CYP7B1: variants seen among roughly 807,000 people sequenced by gnomAD.
CYP7B1 encodes the protein cytochrome P450 family 7 subfamily B member 1, also known as cytochrome P450 7B1.
CYP7B1 carries 29 observed loss-of-function variants against 42.7 expected under a neutral mutation model. That is an observed-to-expected ratio of 0.68 (90% CI 0.51 to 0.93). CYP7B1 has a LOEUF of 0.93. CYP7B1 is among the 40% of genes least tolerant of loss of function. The probability of loss-of-function intolerance (pLI) is 0.00; values close to 1 mark genes in which losing one functional copy is unlikely to be tolerated. For missense variants in CYP7B1, 655 were observed against 600.5 expected, an observed-to-expected ratio of 1.09 and a Z score of -0.95; for synonymous variants, 235 against 218.2, an observed-to-expected ratio of 1.08 and a Z score of -0.68.
At chr8:64,661,410 C>T (rs568369482) in intron 1 of CYP7B1, among the ~76,000 whole-genome samples, 5 of 152,234 alleles carry the variant, frequency 3.3e-5, no homozygotes, top group South Asian at 2.1e-4. Flanking sequence ...AACTTTGGTG[C>T]GATTTACTGT....
intron 1 of CYP7B1, 35 bp downstream of exon 1, chr8:64,798,431 G>C (rs1196396549): frequency 6.7e-7 from 1 of 1,496,522 alleles, no homozygotes; most frequent in Non-Finnish European, 8.8e-7. Context: ...GCGGGGCCCA[G>C]GGCGCATGCG....
At chr8:64,750,475 G>T (rs1484763868) in intron 1 of CYP7B1, among the ~76,000 whole-genome samples, 1 of 152,192 alleles carries the variant, frequency 6.6e-6, no homozygotes, top group African/African-American at 2.4e-5. Flanking sequence ...GAAAAATTAA[G>T]TTGCAAAGAA....
intron 1 of CYP7B1, among the ~76,000 whole-genome samples, chr8:64,780,138 A>G (rs2129673249): frequency 6.6e-6 from 1 of 152,242 alleles, no homozygotes; most frequent in Middle Eastern, 3.4e-3. Flanking sequence ...TTTTTAATGG[A>G]ACTGCAGAAA....
rs2129629704 is a variant in CYP7B1, at chr8:64,595,375, A to G, written c.*1267T>C. Among the ~76,000 whole-genome samples, 1 of 152,372 alleles carries G rather than the reference A, an allele frequency of 6.6e-6. No individual in the cohort carries two copies. On this transcript the variant is annotated 3_prime_UTR_variant, in exon 6 of 6. Coordinates refer to ENST00000310193, the MANE Select transcript of CYP7B1 (RefSeq NM_004820.5). Reference sequence around the variant, plus strand: ...CTCAAAACAGTAGCAGATTTCTGAAATATTAGAAGTTCCAATTAACGAAGC... The same window carrying G: ...CTCAAAACAGTAGCAGATTTCTGAAGTATTAGAAGTTCCAATTAACGAAGC...
chr8:64,771,623 G>A (rs1804232999), intron 1 of CYP7B1, among the ~76,000 whole-genome samples: 1 of 152,128 alleles, frequency 6.6e-6, no homozygotes, highest in South Asian at 2.1e-4. Context: ...ATGCCCTCAG[G>A]GGTCTTTTGA....
chr8:64,625,969 G>A (rs2129630472), intron 1 of CYP7B1, among the ~76,000 whole-genome samples: 1 of 152,162 alleles, frequency 6.6e-6, no homozygotes, highest in African/African-American at 2.4e-5. Context: ...ACTTAACATA[G>A]TAAATGGAGA....
At position 64,592,231 on chromosome 8, in the gene CYP7B1, T is replaced by C. The variant is rs1805047776; in HGVS notation, c.*4411A>G. Among the ~76,000 whole-genome samples the C allele has an allele frequency of 6.6e-6, 1 of 152,080 alleles. No homozygotes were observed. The highest frequency in any genetic ancestry group is 1.5e-5 in the Non-Finnish European group (1 of 68,020). Reference sequence around the variant, plus strand: ...ATTTTACAATATATAATACAGTTTTTAAAAATTCTAAGCCTCAATGACTAT... The same window carrying C: ...ATTTTACAATATATAATACAGTTTTCAAAAATTCTAAGCCTCAATGACTAT... On this transcript the variant is annotated 3_prime_UTR_variant, in exon 6 of 6. Coordinates refer to ENST00000310193, the MANE Select transcript of CYP7B1 (RefSeq NM_004820.5).
At chr8:64,747,677 T>C (rs1183973761) in intron 1 of CYP7B1, among the ~76,000 whole-genome samples, 1 of 151,786 alleles carries the variant, frequency 6.6e-6, no homozygotes, top group African/African-American at 2.4e-5. Context: ...GGGCAAACTA[T>C]ATATGTTATT....
chr8:64,624,107 G>GTT (rs1449676321), intron 2 of CYP7B1, among the ~76,000 whole-genome samples: 1 of 151,878 alleles, frequency 6.6e-6, no homozygotes, highest in East Asian at 1.9e-4. Context: ...CTTTTGTATA[G>GTT]TTATATATAT....
At chr8:64,648,920 A>G (rs767926078) in intron 1 of CYP7B1, among the ~76,000 whole-genome samples, 1 of 152,240 alleles carries the variant, frequency 6.6e-6, no homozygotes, top group Non-Finnish European at 1.5e-5. Flanking sequence ...ACCTTGTCAT[A>G]GCCTATAAGA....
chr8:64,759,732 T>C (rs2129633681), intron 1 of CYP7B1, among the ~76,000 whole-genome samples: 1 of 152,290 alleles, frequency 6.6e-6, no homozygotes, highest in African/African-American at 2.4e-5. Context: ...GGTTAAGCTA[T>C]TTACATGAAG....
chr8:64,766,799 G>T (rs1221530366), intron 1 of CYP7B1, among the ~76,000 whole-genome samples: 2 of 152,170 alleles, frequency 1.3e-5, no homozygotes, highest in East Asian at 3.9e-4. Context: ...GACTGAGGGT[G>T]CCCAGGGCAA....
chr8:64,775,644 G>C (rs1804312336), intron 1 of CYP7B1, among the ~76,000 whole-genome samples: 1 of 152,062 alleles, frequency 6.6e-6, no homozygotes, highest in Non-Finnish European at 1.5e-5. Context: ...TATATTAACT[G>C]ATAATTATAA....
intron 4 of CYP7B1, among the ~76,000 whole-genome samples, chr8:64,608,798 A>G (rs1039922722): frequency 9.2e-5 from 14 of 152,234 alleles, no homozygotes; most frequent in Admixed American, 7.8e-4. Context: ...TGATAATCAT[A>G]TAATTTGAGG....
chr8:64,600,066 A>G (rs1805179144), intron 5 of CYP7B1, among the ~76,000 whole-genome samples: 1 of 152,246 alleles, frequency 6.6e-6, no homozygotes, highest in South Asian at 2.1e-4. Flanking sequence ...AAAAAAGTAT[A>G]TTTTAAAAAC....
At chr8:64,777,135 T>C (rs1194604438) in intron 1 of CYP7B1, among the ~76,000 whole-genome samples, 1 of 139,598 alleles carries the variant, frequency 7.2e-6, no homozygotes, top group Non-Finnish European at 1.5e-5. Context: ...CTATTATAGA[T>C]CCATCATGTA....
At chr8:64,586,738 A>G (rs1014575923), downstream of CYP7B1, among the ~76,000 whole-genome samples, 1 of 152,228 alleles carries the variant, frequency 6.6e-6, no homozygotes, top group African/African-American at 2.4e-5. Flanking sequence ...TGCAGGTAAG[A>G]CTAAATTATC....
chr8:64,674,961 C>T (rs916865605), intron 1 of CYP7B1, among the ~76,000 whole-genome samples: 17 of 151,844 alleles, frequency 1.1e-4, no homozygotes, highest in Non-Finnish European at 1.5e-4. Flanking sequence ...GGCTTATCAC[C>T]GTGAATAGCA....
Position 64,624,461 on chromosome 8 carries a change from T to C in CYP7B1, c.201A>G (p.Leu67=). The change falls in exon 2 of 6, where the codon TTA becomes TTG. Residue 67 remains leucine (L), a synonymous_variant. Transcript: ENST00000310193. ...GCTTTTGAAGTGTTTTCATGAACCT[T>C]AAGGGGTCTTTTCGTAAGTTCAGGA... ...GVVLNLRKDP[L]RFMKTLQKQH... 3 of 1,613,466 alleles carry C rather than the reference T, an allele frequency of 1.9e-6. No homozygotes were observed. The highest frequency in any genetic ancestry group is 2.5e-6 in the Non-Finnish European group (3 of 1,179,872).
Sources: allele counts gnomAD v4.1 joint callset (sites outside exome capture counted in the v4.1 genomes callset), GRCh38; gene constraint gnomAD v4.1.1; transcripts MANE v1.5; gene names NCBI Gene and HGNC (gene_info 2026-07-23, HGNC 2026-07-21).